Variants in RPF2 observed in about 807,000 individuals in gnomAD.
RPF2 encodes brix domain containing 1.
In RPF2, 21 loss-of-function variants were observed where a neutral mutation model predicts 38.9. The observed-to-expected ratio is 0.54, with a 90% confidence interval of 0.38 to 0.78. RPF2 has a LOEUF of 0.78. Among genes scored for constraint, RPF2 ranks in the 30% least tolerant of loss-of-function variants. The probability of loss-of-function intolerance (pLI) is 0.00; values close to 1 mark genes in which losing one functional copy is unlikely to be tolerated. For missense variants in RPF2, 314 were observed against 358.1 expected (o/e 0.88, Z 0.99); for synonymous variants, 121 against 126.2 (o/e 0.96, Z 0.28).
chr6:111,021,159 C>T (rs1467912681), intron 8 of RPF2, among the ~76,000 whole-genome samples: 1 of 151,994 alleles, frequency 6.6e-6, no homozygotes, highest in Non-Finnish European at 1.5e-5. Flanking sequence ...CAGAGCAAGA[C>T]TCTGTCTCAA....
At chr6:111,016,670 C>CTTTTTTTTTTTTTTTTTT (rs71021821) in intron 8 of RPF2, among the ~76,000 whole-genome samples, 3 of 122,180 alleles carry the variant, frequency 2.5e-5, no homozygotes, top group Non-Finnish European at 3.3e-5. Context: ...AATTGTGGTT[C>CTTTTTTTTTTTTTTTTTT]TTTTTTTTTT....
chr6:110,998,670 G>A (rs2114312180), intron 5 of RPF2, among the ~76,000 whole-genome samples: 1 of 152,254 alleles, frequency 6.6e-6, no homozygotes, highest in African/African-American at 2.4e-5. Flanking sequence ...GCACAGGACA[G>A]GAGAGGCTGC....
At chr6:110,997,878 T>C (rs1353852971) in intron 5 of RPF2, among the ~76,000 whole-genome samples, 3 of 151,212 alleles carry the variant, frequency 2.0e-5, no homozygotes, top group African/African-American at 7.3e-5. Context: ...GTGTCTCTTC[T>C]CCCTTGATTT....
intron 8 of RPF2, among the ~76,000 whole-genome samples, chr6:111,016,409 A>G (rs1484478479): frequency 1.3e-5 from 2 of 152,244 alleles, no homozygotes; most frequent in Non-Finnish European, 2.9e-5. Context: ...CCTGGCCAAC[A>G]TGACGAAACC....
intron 8 of RPF2, among the ~76,000 whole-genome samples, chr6:111,017,318 C>T (rs1272265770): frequency 6.6e-6 from 1 of 151,450 alleles, no homozygotes; most frequent in Non-Finnish European, 1.5e-5. Flanking sequence ...GCGCCCCCAC[C>T]TCCCTCCCGG....
At chr6:111,019,116 A>G (rs1772182882) in intron 8 of RPF2, among the ~76,000 whole-genome samples, 1 of 152,068 alleles carries the variant, frequency 6.6e-6, no homozygotes, top group Non-Finnish European at 1.5e-5. Flanking sequence ...AGGCTGAGGC[A>G]GGACAATTGA....
In RPF2 at chr6:111,019,551, A is replaced by G. The variant is rs149070319; in HGVS notation, c.596+3695A>G. Among the ~76,000 whole-genome samples, 420 of 152,228 alleles carry G rather than the reference A, an allele frequency of 2.8e-3. 5 individuals carry two copies. Among genetic ancestry groups the G allele is most frequent in the East Asian group, 8.1e-3 (42 of 5,178 alleles). ...CAGTAGTTCCAGACCAGCCTGGCCA[A>G]CATGGCATAACACCGTCGCTACTAA... On this transcript the variant is annotated intron_variant, in intron 8 of 9. Coordinates refer to ENST00000441448, the MANE Select transcript of RPF2 (RefSeq NM_032194.3).
At chr6:111,010,094 G>A (rs144392979) in intron 7 of RPF2, among the ~76,000 whole-genome samples, 2 of 150,820 alleles carry the variant, frequency 1.3e-5, no homozygotes, top group Admixed American at 6.6e-5. Context: ...AGGGTCTTGG[G>A]TCTGTCTCTC....
At chr6:110,984,443 TAAA>T (rs1207515029) in intron 1 of RPF2, among the ~76,000 whole-genome samples, 1 of 152,120 alleles carries the variant, frequency 6.6e-6, no homozygotes, top group Non-Finnish European at 1.5e-5. Flanking sequence ...AGAGCAGTAA[TAAA>T]AGAATGGTGG....
intron 1 of RPF2, among the ~76,000 whole-genome samples, chr6:110,982,768 C>T (rs1247707313): frequency 6.6e-6 from 1 of 152,130 alleles, no homozygotes; most frequent in Non-Finnish European, 1.5e-5. Context: ...TGCTATTTAC[C>T]TAAGTTAACA....
intron 2 of RPF2, among the ~76,000 whole-genome samples, chr6:110,985,403 A>G (rs1191686150): frequency 6.6e-6 from 1 of 152,188 alleles, no homozygotes; most frequent in Non-Finnish European, 1.5e-5. Context: ...GTAAATTTAA[A>G]CTGTTTTCAA....
At chr6:111,016,683 C>CTTTTTTTTTTTTTTTTTTTTTATTT (rs1397812113) in intron 8 of RPF2, among the ~76,000 whole-genome samples, 1 of 105,942 alleles carries the variant, frequency 9.4e-6, no homozygotes, top group African/African-American at 4.1e-5. Context: ...TTTTTTTTTT[C>CTTTTTTTTTTTTTTTTTTTTTATTT]TTTCTTTTTT....
At chr6:111,023,913 G>C (rs1167401828) in intron 8 of RPF2, among the ~76,000 whole-genome samples, 4 of 152,068 alleles carry the variant, frequency 2.6e-5, no homozygotes, top group Non-Finnish European at 5.9e-5. Flanking sequence ...GCGTGAACCT[G>C]GGAGGTGGAG....
chr6:111,011,832 A>G (rs1772020739), intron 7 of RPF2, among the ~76,000 whole-genome samples: 1 of 152,168 alleles, frequency 6.6e-6, no homozygotes, highest in Admixed American at 6.6e-5. Context: ...CTTCCACTAG[A>G]TGGCAGGAAT....
chr6:110,990,080 G>T (rs1044776247), intron 3 of RPF2, among the ~76,000 whole-genome samples: 4 of 151,326 alleles, frequency 2.6e-5, no homozygotes, highest in African/African-American at 9.7e-5. Flanking sequence ...CTGGGATTAC[G>T]GGCATGCGCC....
intron 7 of RPF2, among the ~76,000 whole-genome samples, chr6:111,013,250 T>C (rs1274808068): frequency 6.6e-6 from 1 of 152,242 alleles, no homozygotes; most frequent in Non-Finnish European, 1.5e-5. Flanking sequence ...CTTTGCATAA[T>C]AGGTGCTCTG....
intron 7 of RPF2, among the ~76,000 whole-genome samples, chr6:111,015,051 G>T (rs9320353): frequency 0.16 from 24,339 of 152,132 alleles, 2,473 homozygotes; most frequent in East Asian, 0.53. Context: ...GTGCTGGGAT[G>T]ACAGGCATGA....
chr6:110,995,773 T>C (rs576558278), intron 4 of RPF2, among the ~76,000 whole-genome samples: 1 of 152,274 alleles, frequency 6.6e-6, no homozygotes, highest in South Asian at 2.1e-4. Flanking sequence ...AAATCTGTAA[T>C]GGAAGTCTGT....
In RPF2 at chr6:110,991,794, TA is replaced by T. The variant is rs1282061801; in HGVS notation, c.234+10del. ...GAGGATCAGACATCACTGGTAAGTA[TA>T]ATAATCTTTATGATTTAAGAAAGCA... On this transcript the variant is annotated intron_variant, in intron 4 of 9. Transcript: ENST00000441448. The T allele has an allele frequency of 2.7e-6, 3 of 1,108,182 alleles. No homozygotes were observed. The highest frequency in any genetic ancestry group is 3.8e-6 in the Non-Finnish European group (3 of 780,612). The allele number at this position is 1,108,182 out of a possible 1,614,324, so 68.6% of individuals were successfully genotyped here. A position where few individuals can be genotyped will look rare whatever the true frequency, so the allele number is the denominator to read the frequency against.
Sources: allele counts gnomAD v4.1 joint callset (sites outside exome capture counted in the v4.1 genomes callset), GRCh38; gene constraint gnomAD v4.1.1; transcripts MANE v1.5; gene names NCBI Gene and HGNC (gene_info 2026-07-23, HGNC 2026-07-21).